Variants in ZC3H14 observed in about 807,000 individuals in gnomAD.
ZC3H14 encodes zinc finger CCCH domain-containing protein 14.
In ZC3H14, 31 loss-of-function variants were observed where a neutral mutation model predicts 92.4. The ratio of observed to expected loss-of-function variants is 0.34; its 90% CI spans 0.25 to 0.45. The LOEUF is 0.45. Ranked by LOEUF, ZC3H14 falls within the 20% of genes least tolerant of loss-of-function variation. ZC3H14 has a pLI of 1.00. For missense variants in ZC3H14, 781 were observed against 897.3 expected (o/e 0.87, Z 1.66); for synonymous variants, 321 against 300.9 (o/e 1.07, Z -0.69).
Position 88,627,246 on chromosome 14 carries a change from T to C in ZC3H14, c.*15495T>C. 1.7e-6 allele frequency: 1 copy of C among 592,250 alleles called. No individual in the cohort carries two copies. The highest frequency in any genetic ancestry group is 3.0e-6 in the Non-Finnish European group (1 of 337,570). The allele number at this position is 592,250 out of a possible 1,614,324, so 36.7% of individuals were successfully genotyped here. A position where few individuals can be genotyped will look rare whatever the true frequency, so the allele number is the denominator to read the frequency against. Reference sequence around the variant, plus strand: ...TTTCACTTATCTTCGCTCCATTAACTTTTCTTTATATAACGTAAATGTTTT... The same window carrying C: ...TTTCACTTATCTTCGCTCCATTAACCTTTCTTTATATAACGTAAATGTTTT... On this transcript the variant is annotated 3_prime_UTR_variant, in exon 17 of 17. Coordinates refer to ENST00000251038, the MANE Select transcript of ZC3H14 (RefSeq NM_024824.5).
rs2087268408 is a variant in ZC3H14 at position 88,614,303 on chromosome 14, G to A, written c.*2552G>A. The A allele has an allele frequency of 6.6e-6, 1 of 152,162 alleles. No homozygotes were observed. The highest frequency in any genetic ancestry group is 1.5e-5 in the Non-Finnish European group (1 of 68,024). 9.4% of individuals were successfully genotyped at this position (152,162 alleles called of 1,614,324 possible). On this transcript the variant is annotated 3_prime_UTR_variant, in exon 17 of 17. Coordinates refer to ENST00000251038, the MANE Select transcript of ZC3H14 (RefSeq NM_024824.5). ...TTGGCTTAATTTAGGAGAATCCACT[G>A]ATGAACAAGTACCAACTTACGTTTC...
At position 88,626,503 on chromosome 14, in the gene ZC3H14, A is replaced by G; in HGVS notation, c.*14752A>G. On this transcript the variant is annotated 3_prime_UTR_variant, in exon 17 of 17. Transcript: ENST00000251038. The stretch of plus-strand genomic sequence containing the variant: ...CCTAGCATGGTGGTTCCTGCCCTGT[A>G]GTCCCAGCTACTAAGGAGGCTGAGG... 4.1e-6 allele frequency: 1 copy of G among 245,414 alleles called. No individual in the cohort carries two copies. The highest frequency in any genetic ancestry group is 8.0e-6 in the Non-Finnish European group (1 of 125,266). The allele number at this position is 245,414 out of a possible 1,614,324, so 15.2% of individuals were successfully genotyped here. A position where few individuals can be genotyped will look rare whatever the true frequency, so the allele number is the denominator to read the frequency against.
chr14:88,564,481 T>C (rs948901180), intron 2 of ZC3H14, among the ~76,000 whole-genome samples: 3 of 152,342 alleles, frequency 2.0e-5, no homozygotes, highest in South Asian at 2.1e-4. Flanking sequence ...TGGTGCCTCC[T>C]ATAAAAATAA....
In ZC3H14 at chr14:88,626,059, T is replaced by TC. The variant is rs1376968982; in HGVS notation, c.*14310dup. 1 of 152,172 alleles carries TC rather than the reference T, an allele frequency of 6.6e-6. No individual in the cohort carries two copies. Among genetic ancestry groups the TC allele is most frequent in the Non-Finnish European group, 1.5e-5 (1 of 68,058 alleles). 9.4% of individuals were successfully genotyped at this position (152,172 alleles called of 1,614,324 possible). A position where few individuals can be genotyped will look rare whatever the true frequency, so the allele number is the denominator to read the frequency against. On this transcript the variant is annotated 3_prime_UTR_variant, in exon 17 of 17. Transcript: ENST00000251038. ...TGCTATTTCCTTCTGTCTCACTACC[T>TC]CCTTCTTCCCTCGAAGTAGAGACAC...
At chr14:88,595,141 G>GTACC (rs1161108328) in intron 9 of ZC3H14, 1 of 1,601,418 alleles carries the variant, frequency 6.2e-7, no homozygotes, top group East Asian at 2.2e-5. Flanking sequence ...TATGTTCTAG[G>GTACC]TACCCATCCT....
At chr14:88,589,791 A>G (rs1282274755) in intron 9 of ZC3H14, 1 of 152,032 alleles carries the variant, frequency 6.6e-6, no homozygotes. Context: ...CTCCAGATTT[A>G]TAGAATTCAC....
At position 88,611,877 on chromosome 14, in the gene ZC3H14, A is replaced by T; in HGVS notation, c.*126A>T. On this transcript the variant is annotated 3_prime_UTR_variant, in exon 17 of 17. Transcript: ENST00000251038. ...TATTGCTTTCATAATATGAAGTTTT[A>T]TTGCCTATCTATCTGAAGTGTCTAA... 5 of 1,316,784 alleles carry T rather than the reference A, an allele frequency of 3.8e-6. No individual in the cohort carries two copies. The highest frequency in any genetic ancestry group is 5.4e-6 in the Non-Finnish European group (5 of 929,238). 81.6% of individuals were successfully genotyped at this position (1,316,784 alleles called of 1,614,324 possible).
chr14:88,585,380 CTTT>C (rs34472063), intron 9 of ZC3H14, among the ~76,000 whole-genome samples: 22 of 120,584 alleles, frequency 1.8e-4, no homozygotes, highest in East Asian at 2.4e-4. Context: ...CCTTTCTGTT[CTTT>C]TTTTTTTTTT....
rs537129891 is a variant in ZC3H14, at chr14:88,571,970, A to G, written c.236-60A>G. ...AGAGCGAGACTCCATCTCAAAAATA[A>G]ATAAATAAATAAAAATAAGAAATAA... On this transcript the variant is annotated intron_variant, in intron 4 of 16. Transcript: ENST00000251038. 5.9e-5 allele frequency: 78 copies of G among 1,328,006 alleles called. No individual in the cohort carries two copies. The African/African-American group carries it at 1.2e-3, about 20-fold the overall frequency. The allele number at this position is 1,328,006 out of a possible 1,614,324, so 82.3% of individuals were successfully genotyped here.
At chr14:88,590,588 C>A (rs750116483) in intron 9 of ZC3H14, 1 of 152,170 alleles carries the variant, frequency 6.6e-6, no homozygotes, top group East Asian at 1.9e-4. Context: ...TTTATTTTTC[C>A]CCATAACGTT....
At chr14:88,564,272 G>T (rs1336814870) in intron 2 of ZC3H14, among the ~76,000 whole-genome samples, 1 of 152,126 alleles carries the variant, frequency 6.6e-6, no homozygotes. Context: ...AAACAGTAAG[G>T]CTTTTTCCGT....
chr14:88,575,702 T>G, intron 7 of ZC3H14, 138 bp from the exon 8 acceptor site: 1 of 651,444 alleles, frequency 1.5e-6, no homozygotes, highest in Non-Finnish European at 2.6e-6. Context: ...AAGGTTCCAG[T>G]GTAGTTGGCA....
chr14:88,602,703 A>G, intron 11 of ZC3H14, 125 bp from the exon 12 acceptor site: 3 of 968,284 alleles, frequency 3.1e-6, no homozygotes, highest in Non-Finnish European at 4.8e-6. Context: ...AGCCCTACCT[A>G]GTCTTTTTTT....
chr14:88,615,212 A>C lies in ZC3H14; in HGVS notation c.*3461A>C, dbSNP rs939622847. On this transcript the variant is annotated 3_prime_UTR_variant, in exon 17 of 17. Transcript: ENST00000251038. Reference sequence around the variant, plus strand: ...AACTTTGGATCTGTTCCTGAATTCAAAACTACTAGGAGAAAAGTGTCCTTT... The same window carrying C: ...AACTTTGGATCTGTTCCTGAATTCACAACTACTAGGAGAAAAGTGTCCTTT... The C allele has an allele frequency of 1.3e-5, 2 of 152,188 alleles. No homozygotes were observed. The highest frequency in any genetic ancestry group is 1.5e-5 in the Non-Finnish European group (1 of 68,024). The allele number at this position is 152,188 out of a possible 1,614,324, so 9.4% of individuals were successfully genotyped here.
At chr14:88,594,830 A>G (rs2083588980) in intron 9 of ZC3H14, 3 of 1,614,012 alleles carry the variant, frequency 1.9e-6, no homozygotes, top group Middle Eastern at 1.6e-4. Flanking sequence ...TCACTGAATG[A>G]GCTAGACAAT....
intron 9 of ZC3H14, among the ~76,000 whole-genome samples, chr14:88,581,978 G>A (rs1037516798): frequency 2.6e-5 from 4 of 152,218 alleles, no homozygotes; most frequent in Non-Finnish European, 5.9e-5. Flanking sequence ...TAGGACAGGA[G>A]TTGGCATCTG....
Position 88,622,777 on chromosome 14 carries a change from T to A in ZC3H14, c.*11026T>A. The A allele has an allele frequency of 1.6e-6, 2 of 1,221,864 alleles. No homozygotes were observed. Among genetic ancestry groups the A allele is most frequent in the Middle Eastern group, 2.0e-4 (1 of 5,004 alleles). 75.7% of individuals were successfully genotyped at this position (1,221,864 alleles called of 1,614,324 possible). Reference sequence around the variant, plus strand: ...TTATTGGCTACTATAATTTTTATTATAAACAAATACCAAGTTATAAGCAGA... The same window carrying A: ...TTATTGGCTACTATAATTTTTATTAAAAACAAATACCAAGTTATAAGCAGA... On this transcript the variant is annotated 3_prime_UTR_variant, in exon 17 of 17. Transcript: ENST00000251038.
At chr14:88,602,197 A>T in intron 11 of ZC3H14, 114 bp downstream of exon 11, 1 of 1,417,810 alleles carries the variant, frequency 7.1e-7, no homozygotes, top group Non-Finnish European at 9.8e-7. Flanking sequence ...GAGTGCTTTC[A>T]TTGATTCAGT....
chr14:88,588,020 T>C (rs1348095918), intron 9 of ZC3H14, among the ~76,000 whole-genome samples: 1 of 152,180 alleles, frequency 6.6e-6, no homozygotes, highest in Non-Finnish European at 1.5e-5. Flanking sequence ...GTGGGAACTC[T>C]CTAGAGTTTT....
Sources: gnomAD v4.1 joint callset for allele counts (sites outside exome capture counted in the v4.1 genomes callset) on GRCh38, gnomAD v4.1.1 for gene constraint, MANE v1.5 for transcripts, NCBI Gene and HGNC (gene_info 2026-07-23, HGNC 2026-07-21) for gene names.